Variants in SLC20A2 observed in about 807,000 individuals in gnomAD.
SLC20A2 encodes sodium-dependent phosphate transporter 2.
In SLC20A2, 30 loss-of-function variants were observed where a neutral mutation model predicts 61.0. The observed-to-expected ratio is 0.49, with a 90% CI of 0.37 to 0.67. The LOEUF (loss-of-function observed/expected upper bound fraction) is 0.67. Ranked by LOEUF, SLC20A2 falls within the 30% of genes least tolerant of loss-of-function variation. SLC20A2 has a pLI of 0.00. For synonymous variants in SLC20A2, 351 were observed against 353.3 expected, an observed-to-expected ratio of 0.99 and a Z score of 0.07; for missense variants, 626 against 866.4, an observed-to-expected ratio of 0.72 and a Z score of 3.48.
chr8:42,466,627 T>C (rs939401385), intron 2 of SLC20A2, among the ~76,000 whole-genome samples: 1 of 152,280 alleles, frequency 6.6e-6, no homozygotes, highest in African/African-American at 2.4e-5. Flanking sequence ...GGTCATATTA[T>C]CTATATAAGA....
At chr8:42,422,731 T>G (rs1803130634) in intron 10 of SLC20A2, among the ~76,000 whole-genome samples, 1 of 152,216 alleles carries the variant, frequency 6.6e-6, no homozygotes, top group Admixed American at 6.5e-5. Context: ...TTTTTCTACT[T>G]CTTAGGCCAA....
intron 1 of SLC20A2, among the ~76,000 whole-genome samples, chr8:42,500,658 C>T (rs1810258470): frequency 6.6e-6 from 1 of 152,100 alleles, no homozygotes; most frequent in Non-Finnish European, 1.5e-5. Context: ...AATTAACTTT[C>T]AACATTTTTT....
chr8:42,539,527 A>G (rs1812926747), intron 1 of SLC20A2, among the ~76,000 whole-genome samples: 1 of 152,242 alleles, frequency 6.6e-6, no homozygotes, highest in South Asian at 2.1e-4. Flanking sequence ...ATCTTTCACA[A>G]CTAGCTACAA....
At chr8:42,536,708 T>C (rs1486422441) in intron 1 of SLC20A2, 1 of 152,026 alleles carries the variant, frequency 6.6e-6, no homozygotes, top group African/African-American at 2.4e-5. Flanking sequence ...GGAGTATTAC[T>C]TGGTTTGAAG....
chr8:42,524,065 T>C (rs1811763706), intron 1 of SLC20A2, among the ~76,000 whole-genome samples: 1 of 152,198 alleles, frequency 6.6e-6, no homozygotes, highest in African/African-American at 2.4e-5. Flanking sequence ...CAGATTTTGA[T>C]AAAAGCTGTA....
At chr8:42,452,268 G>A (rs1392282313) in intron 5 of SLC20A2, among the ~76,000 whole-genome samples, 4 of 146,848 alleles carry the variant, frequency 2.7e-5, no homozygotes, top group Non-Finnish European at 6.0e-5. Flanking sequence ...AAGAGATAGA[G>A]GAGGAAGAGA....
intron 1 of SLC20A2, among the ~76,000 whole-genome samples, chr8:42,511,488 G>A (rs544997252): frequency 4.9e-4 from 74 of 152,148 alleles, no homozygotes; most frequent in Non-Finnish European, 9.7e-4. Context: ...TTAGCTGGGC[G>A]TGGTAGCGGG....
chr8:42,446,618 A>G (rs1451576988), intron 5 of SLC20A2, among the ~76,000 whole-genome samples: 1 of 152,212 alleles, frequency 6.6e-6, no homozygotes, highest in African/African-American at 2.4e-5. Context: ...TAGTTGTATG[A>G]TATACACATG....
In SLC20A2 at chr8:42,508,670, C is replaced by T. The variant is rs548271688; in HGVS notation, c.-265+33151G>A. ...CCTCCCAAAGTGCTGGGATTACAGG[C>T]GTGAGCCACCACACCCGGCCTGGGA... On this transcript the variant is annotated intron_variant, in intron 1 of 10. Coordinates refer to the SLC20A2 transcript ENST00000342228. Among the ~76,000 whole-genome samples, 11 of 152,268 alleles carry T rather than the reference C, an allele frequency of 7.2e-5. No homozygotes were observed. In the East Asian group the frequency reaches 1.2e-3, roughly 16 times the overall value.
rs1803737074 is a variant in SLC20A2, at chr8:42,430,165, C to G, written c.1608G>C (p.Leu536=). The change falls in exon 9 of 11, where the codon CTG becomes CTC. Residue 536 remains leucine, a synonymous_variant. Transcript: ENST00000520262. ...AGATTCCAACTCCTCCATAAAACAG[C>G]AGCCAGACGGGTGTAGCTGCTTCTT... is the stretch of plus-strand genomic sequence containing the variant. ...VTQEAATPVW[L]LFYGGVGICT... 6.2e-7 allele frequency: 1 copy of G among 1,613,998 alleles called. No homozygotes were observed. The highest frequency in any genetic ancestry group is 1.7e-5 in the Admixed American group (1 of 59,998).
At chr8:42,525,440 G>C (rs1176536017) in intron 1 of SLC20A2, among the ~76,000 whole-genome samples, 1 of 151,798 alleles carries the variant, frequency 6.6e-6, no homozygotes, top group Non-Finnish European at 1.5e-5. Flanking sequence ...AAATTAGCTG[G>C]GCATGGTGGA....
chr8:42,452,490 G>A (rs1327327204), intron 5 of SLC20A2, among the ~76,000 whole-genome samples: 5 of 149,146 alleles, frequency 3.4e-5, no homozygotes, highest in African/African-American at 1.2e-4. Context: ...AAGAGGAGGA[G>A]TAGGAAGAGA....
rs550025826 is a variant in SLC20A2, at chr8:42,419,506, G to A, written c.1795-1539C>T. On this transcript the variant is annotated intron_variant, in intron 10 of 10. Transcript: ENST00000520262. The stretch of plus-strand genomic sequence containing the variant: ...GGAGGTTGCAGTGAGCCAAGATCGC[G>A]ATACTGCACTCCAGCCTGGACAACA... The A allele has an allele frequency of 2.3e-4, 36 of 156,620 alleles. No homozygotes were observed. In the South Asian group the frequency reaches 6.1e-3, roughly 27 times the overall value. 9.7% of individuals were successfully genotyped at this position (156,620 alleles called of 1,614,324 possible). A position where few individuals can be genotyped will look rare whatever the true frequency, so the allele number is the denominator to read the frequency against.
rs1185923270 is a variant in SLC20A2, at chr8:42,437,644, G to A, written c.935-67C>T. 3 of 1,336,404 alleles carry A rather than the reference G, an allele frequency of 2.2e-6. No individual in the cohort carries two copies. Among genetic ancestry groups the A allele is most frequent in the Non-Finnish European group, 3.0e-6 (3 of 1,000,854 alleles). The allele number at this position is 1,336,404 out of a possible 1,614,324, so 82.8% of individuals were successfully genotyped here. ...TTTTTTTTCTTTTCTTTTTGAGACG[G>A]AGCCTTGCTCTGTCCTCAGGGTGGA... is the stretch of plus-strand genomic sequence containing the variant. On this transcript the variant is annotated intron_variant, in intron 7 of 10. Coordinates refer to ENST00000520262, the MANE Select transcript of SLC20A2 (RefSeq NM_001257180.2). This position sits in a 1 kb window ranked among gnomAD's most constrained non-coding sequence, Gnocchi z 6.4.
intron 6 of SLC20A2, among the ~76,000 whole-genome samples, chr8:42,441,686 C>A (rs2131035162): frequency 6.6e-6 from 1 of 151,770 alleles, no homozygotes; most frequent in East Asian, 1.9e-4. Context: ...CCAAGATGGT[C>A]TCAATCTCCT....
At chr8:42,523,422 C>G (rs971271704) in intron 1 of SLC20A2, among the ~76,000 whole-genome samples, 1 of 152,078 alleles carries the variant, frequency 6.6e-6, no homozygotes, top group African/African-American at 2.4e-5. Flanking sequence ...AGCATAAATT[C>G]AATGCAAGTA....
chr8:42,510,029 T>C (rs1810943451), intron 1 of SLC20A2, among the ~76,000 whole-genome samples: 1 of 152,242 alleles, frequency 6.6e-6, no homozygotes, highest in Non-Finnish European at 1.5e-5. Context: ...AATTCGAAAG[T>C]TAGGTTAACA....
Position 42,436,986 on chromosome 8 carries a change from C to A in SLC20A2, c.1523+3G>T. The A allele has an allele frequency of 6.3e-7, 1 of 1,589,340 alleles. No individual in the cohort carries two copies. Among genetic ancestry groups the A allele is most frequent in the Non-Finnish European group, 8.6e-7 (1 of 1,166,728 alleles). On this transcript the variant is annotated splice_donor_region_variant and intron_variant, in intron 8 of 10. Coordinates refer to ENST00000520262, the MANE Select transcript of SLC20A2 (RefSeq NM_001257180.2). ...TGTTGAATGAATGAATGAAAGCACC[C>A]ACCTCACGTCATTGCCGCCGTGAGC...
chr8:42,417,453 T>C lies in SLC20A2; in HGVS notation c.*350A>G, dbSNP rs1802735785. 6.0e-6 allele frequency: 1 copy of C among 168,026 alleles called. No individual in the cohort carries two copies. Among genetic ancestry groups the C allele is most frequent in the Non-Finnish European group, 1.3e-5 (1 of 76,402 alleles). 10.4% of individuals were successfully genotyped at this position (168,026 alleles called of 1,614,324 possible). On this transcript the variant is annotated 3_prime_UTR_variant, in exon 11 of 11. Transcript: ENST00000520262. ...AGTTATGTACAAGATTTATTGAATATTGACTTCTAGGCAATGATCTCCACT... is the reference window on the plus strand; with the variant it reads ...AGTTATGTACAAGATTTATTGAATACTGACTTCTAGGCAATGATCTCCACT...
Sources: allele counts gnomAD v4.1 joint callset (sites outside exome capture counted in the v4.1 genomes callset), GRCh38; gene constraint gnomAD v4.1.1; non-coding constraint Gnocchi (gnomAD v3.1); transcripts MANE v1.5; gene names NCBI Gene and HGNC (gene_info 2026-07-23, HGNC 2026-07-21).